The following DLG2 variants were observed in gnomAD, a reference collection of about 807,000 sequenced individuals.
The protein encoded by DLG2 is discs large MAGUK scaffold protein 2.
A neutral mutation model predicts 132.5 loss-of-function variants in DLG2; 45 were observed. That is an observed-to-expected ratio of 0.34 (90% confidence interval 0.27 to 0.44). The LOEUF (loss-of-function observed/expected upper bound fraction) is 0.44, where lower values mean the gene tolerates loss of function less well. Among genes scored for constraint, DLG2 ranks in the 20% least tolerant of loss-of-function variants. The probability of loss-of-function intolerance (pLI) is 1.00; values close to 1 mark genes in which losing one functional copy is unlikely to be tolerated. For synonymous variants in DLG2, 424 were observed against 419.6 expected (o/e 1.01, Z -0.13); for missense variants, 1,045 against 1,196.9 (o/e 0.87, Z 1.87).
chr11:83,632,153 G>A (rs980439871), intron 19 of DLG2: 1 of 152,180 alleles, frequency 6.6e-6, no homozygotes, highest in Non-Finnish European at 1.5e-5. Context: ...ATGAGAACCT[G>A]TGCCTTCCAG....
chr11:84,584,315 C>G (rs898961271), intron 6 of DLG2, among the ~76,000 whole-genome samples: 2 of 151,802 alleles, frequency 1.3e-5, no homozygotes, highest in African/African-American at 4.8e-5. Flanking sequence ...TTTACCTTTT[C>G]TTTTGAAATG....
At chr11:84,183,858 G>T (rs2096209678) in intron 8 of DLG2, among the ~76,000 whole-genome samples, 1 of 152,154 alleles carries the variant, frequency 6.6e-6, no homozygotes, top group Non-Finnish European at 1.5e-5. Context: ...AGTTTGCTGA[G>T]AATGACGGTT....
intron 6 of DLG2, among the ~76,000 whole-genome samples, chr11:84,774,044 T>A (rs1010030717): frequency 1.3e-5 from 2 of 152,108 alleles, no homozygotes; most frequent in African/African-American, 4.8e-5. Flanking sequence ...CCCTAAAGAT[T>A]TCAATAAAAG....
chr11:84,953,221 C>T (rs900622375), intron 6 of DLG2, among the ~76,000 whole-genome samples: 1 of 152,188 alleles, frequency 6.6e-6, no homozygotes, highest in African/African-American at 2.4e-5. Flanking sequence ...TCCTGGTCAT[C>T]TGTTGGATAA....
intron 6 of DLG2, among the ~76,000 whole-genome samples, chr11:84,883,924 T>C (rs2087788399): frequency 6.6e-6 from 1 of 151,404 alleles, no homozygotes. Context: ...CAGGAAATTG[T>C]AAAGTGAACA....
At chr11:84,783,550 G>A (rs138981756) in intron 6 of DLG2, among the ~76,000 whole-genome samples, 14 of 152,078 alleles carry the variant, frequency 9.2e-5, no homozygotes, top group Non-Finnish European at 1.9e-4. Context: ...CCTTCTCTGC[G>A]GTCTCATGGC....
At chr11:83,649,905 T>G (rs2069562468) in intron 18 of DLG2, among the ~76,000 whole-genome samples, 1 of 152,246 alleles carries the variant, frequency 6.6e-6, no homozygotes, top group Non-Finnish European at 1.5e-5. Flanking sequence ...GGTTTCTCAA[T>G]GTGCTCTTGC....
intron 18 of DLG2, among the ~76,000 whole-genome samples, chr11:83,677,234 A>T (rs1172139176): frequency 6.6e-6 from 1 of 152,194 alleles, no homozygotes; most frequent in East Asian, 1.9e-4. Flanking sequence ...CACTAAAGGC[A>T]TGCTTTGTCT....
At chr11:85,094,049 C>A (rs1291143028) in intron 6 of DLG2, among the ~76,000 whole-genome samples, 1 of 152,226 alleles carries the variant, frequency 6.6e-6, no homozygotes, top group Non-Finnish European at 1.5e-5. Flanking sequence ...CAGAATTAAG[C>A]TTTCAAGATT....
chr11:84,807,685 T>C (rs1365420594), intron 6 of DLG2, among the ~76,000 whole-genome samples: 1 of 152,154 alleles, frequency 6.6e-6, no homozygotes, highest in Non-Finnish European at 1.5e-5. Flanking sequence ...AATATCAATA[T>C]TTTTAAAGTA....
chr11:85,539,890 T>C (rs188015134), intron 3 of DLG2, among the ~76,000 whole-genome samples: 5 of 152,336 alleles, frequency 3.3e-5, no homozygotes, highest in African/African-American at 1.2e-4. Context: ...CCATTTCAGC[T>C]GGGGCTTCAG....
chr11:84,502,206 CCTTCCTTCCTTCCT>C (rs1567803248), intron 7 of DLG2, among the ~76,000 whole-genome samples: 1,442 of 21,278 alleles, frequency 0.068, 418 homozygotes, highest in South Asian at 0.084. Flanking sequence ...CTCTCTCCTT[CCTTCCTTCCTTCCT>C]TCCTTCCTTC....
At chr11:85,365,475 C>G (rs2084474484) in intron 3 of DLG2, among the ~76,000 whole-genome samples, 1 of 152,152 alleles carries the variant, frequency 6.6e-6, no homozygotes, top group African/African-American at 2.4e-5. Context: ...ACTTCTGTAT[C>G]TTCAATTGAA....
intron 8 of DLG2, among the ~76,000 whole-genome samples, chr11:84,217,006 G>A (rs1295366269): frequency 6.6e-6 from 1 of 152,112 alleles, no homozygotes; most frequent in Non-Finnish European, 1.5e-5. Context: ...AAAAAAGTTT[G>A]ATTATTTAAA....
At chr11:84,574,207 C>G (rs886996786) in intron 6 of DLG2, among the ~76,000 whole-genome samples, 7 of 152,092 alleles carry the variant, frequency 4.6e-5, no homozygotes. Context: ...AGATATCATT[C>G]CCAAAACTGC....
chr11:83,843,280 T>C (rs1266940648), intron 16 of DLG2, among the ~76,000 whole-genome samples: 2 of 152,216 alleles, frequency 1.3e-5, no homozygotes, highest in African/African-American at 4.8e-5. Flanking sequence ...GAAGGATGCC[T>C]GCCTTTTCCT....
At chr11:84,295,568 C>T (rs2098079081) in intron 7 of DLG2, among the ~76,000 whole-genome samples, 1 of 152,182 alleles carries the variant, frequency 6.6e-6, no homozygotes, top group South Asian at 2.1e-4. Flanking sequence ...CACAGTGAAA[C>T]ATGAATCATT....
At chr11:83,903,166 G>C (rs1424176331) in intron 15 of DLG2, among the ~76,000 whole-genome samples, 2 of 151,690 alleles carry the variant, frequency 1.3e-5, no homozygotes, top group African/African-American at 4.8e-5. Context: ...TTTTCAATGA[G>C]TTTCCTTAGC....
chr11:84,735,919 A>G (rs966315922), intron 6 of DLG2, among the ~76,000 whole-genome samples: 1 of 152,046 alleles, frequency 6.6e-6, no homozygotes, highest in Non-Finnish European at 1.5e-5. Flanking sequence ...TGATGAATGC[A>G]ATTTATTATT....
Sources: gnomAD v4.1 joint callset for allele counts (sites outside exome capture counted in the v4.1 genomes callset) on GRCh38, gnomAD v4.1.1 for gene constraint, MANE v1.5 for transcripts, NCBI Gene and HGNC (gene_info 2026-07-23, HGNC 2026-07-21) for gene names.